The following SGF29 variants were observed in gnomAD, a reference collection of about 807,000 sequenced individuals.
SGF29 encodes the protein SAGA-associated factor 29.
SGF29 carries 15 observed loss-of-function variants against 38.1 expected under a neutral mutation model. The observed-to-expected ratio is 0.39, with a 90% CI of 0.26 to 0.61. The LOEUF is 0.61. Ranked by LOEUF, SGF29 falls within the 20% of genes least tolerant of loss-of-function variation. SGF29 has a pLI of 0.49. For synonymous variants in SGF29, 151 were observed against 160.8 expected (o/e 0.94, Z 0.46); for missense variants, 184 against 394.6 (o/e 0.47, Z 4.52).
intron 1 of SGF29, among the ~76,000 whole-genome samples, chr16:28,556,469 T>C (rs2046752179): frequency 1.3e-5 from 2 of 152,216 alleles, no homozygotes; most frequent in Non-Finnish European, 2.9e-5. Flanking sequence ...TGCCTCAGCC[T>C]TCCAAGTAGC....
At chr16:28,586,684 T>G (rs1174042051) in intron 4 of SGF29, among the ~76,000 whole-genome samples, 1 of 152,142 alleles carries the variant, frequency 6.6e-6, no homozygotes, top group Non-Finnish European at 1.5e-5. Flanking sequence ...ACATTGGTAT[T>G]AACTATCTGA....
At chr16:28,573,917 G>A (rs776458003) in intron 1 of SGF29, among the ~76,000 whole-genome samples, 2 of 152,250 alleles carry the variant, frequency 1.3e-5, no homozygotes, top group South Asian at 2.1e-4. Context: ...AGCACCTCTC[G>A]CTGTTTGTGA....
At chr16:28,571,392 G>A (rs184564003) in intron 1 of SGF29, among the ~76,000 whole-genome samples, 2 of 152,102 alleles carry the variant, frequency 1.3e-5, no homozygotes, top group South Asian at 2.1e-4. Context: ...TCAGGAGTTC[G>A]AGACCAGCCT....
At chr16:28,566,191 A>G (rs1353614711) in intron 1 of SGF29, among the ~76,000 whole-genome samples, 2 of 151,300 alleles carry the variant, frequency 1.3e-5, no homozygotes, top group African/African-American at 4.9e-5. Flanking sequence ...GGAGAATGGC[A>G]TGAACCCGGG....
At chr16:28,564,214 G>C (rs138787713) in intron 1 of SGF29, among the ~76,000 whole-genome samples, 76 of 152,196 alleles carry the variant, frequency 5.0e-4, no homozygotes, top group Middle Eastern at 3.4e-3. Flanking sequence ...AGAGCAGTGC[G>C]GGACTGGAAG....
At chr16:28,563,428 C>G (rs1285023249) in intron 1 of SGF29, among the ~76,000 whole-genome samples, 1 of 152,184 alleles carries the variant, frequency 6.6e-6, no homozygotes, top group Non-Finnish European at 1.5e-5. Context: ...CCAGTAGGCA[C>G]AGTGATCTTC....
chr16:28,564,527 GTATATATA>G (rs1182904889), intron 1 of SGF29, among the ~76,000 whole-genome samples: 1 of 118,082 alleles, frequency 8.5e-6, no homozygotes, highest in Non-Finnish European at 1.7e-5. Context: ...ATATGTGTGT[GTATATATA>G]TATGTATATA....
chr16:28,562,979 C>T (rs1292136568), intron 1 of SGF29, among the ~76,000 whole-genome samples: 5 of 150,792 alleles, frequency 3.3e-5, no homozygotes. Flanking sequence ...GAAGACTCTT[C>T]CACACATAGA....
intron 1 of SGF29, among the ~76,000 whole-genome samples, chr16:28,568,278 A>G (rs967133354): frequency 1.5e-4 from 20 of 135,308 alleles, no homozygotes; most frequent in Non-Finnish European, 2.6e-4. Flanking sequence ...ATGCCATTGC[A>G]CTCTAGCCTG....
At chr16:28,557,830 T>G (rs1016537336) in intron 1 of SGF29, among the ~76,000 whole-genome samples, 1 of 152,180 alleles carries the variant, frequency 6.6e-6, no homozygotes, top group African/African-American at 2.4e-5. Context: ...TATCCTATAT[T>G]GTGACAGCAG....
intron 1 of SGF29, among the ~76,000 whole-genome samples, chr16:28,566,948 G>T (rs2046839072): frequency 6.6e-6 from 1 of 151,980 alleles, no homozygotes; most frequent in Non-Finnish European, 1.5e-5. Flanking sequence ...GCAATTACAG[G>T]GGTGAGCCAC....
In SGF29 at chr16:28,590,996, C is replaced by T. The variant is rs1295691972; in HGVS notation, c.765+61C>T. 2.7e-5 allele frequency: 41 copies of T among 1,506,580 alleles called. No homozygotes were observed. The South Asian group carries it at 4.0e-4, about 15-fold the overall frequency. 93.3% of individuals were successfully genotyped at this position (1,506,580 alleles called of 1,614,324 possible). The stretch of plus-strand genomic sequence containing the variant: ...GTCAGGAACAGGCTGATCAGACAGA[C>T]GAGGGGTCCTCTCCCCACTCCTTCC... On this transcript the variant is annotated intron_variant, in intron 9 of 9. Transcript: ENST00000317058. This position sits in a 1 kb window ranked among gnomAD's most constrained non-coding sequence, Gnocchi z 8.2.
intron 1 of SGF29, among the ~76,000 whole-genome samples, chr16:28,564,755 GTATATATGTATATATATGTATA>G (rs140603743): frequency 0.058 from 4,969 of 85,182 alleles, 223 homozygotes; most frequent in African/African-American, 0.087. Flanking sequence ...GTATATATAT[GTATATATGTATATATATGTATA>G]TATATATATA....
intron 1 of SGF29, among the ~76,000 whole-genome samples, chr16:28,555,581 T>G (rs1481894138): frequency 3.3e-5 from 5 of 152,224 alleles, no homozygotes; most frequent in Non-Finnish European, 4.4e-5. Context: ...AAAAGAGATT[T>G]ATTGTGATGG....
intron 1 of SGF29, among the ~76,000 whole-genome samples, chr16:28,564,665 GCA>G (rs376270664): frequency 2.9e-5 from 2 of 68,362 alleles, no homozygotes; most frequent in Admixed American, 1.9e-4. Flanking sequence ...GTATATATAT[GCA>G]TATATATGTA....
At chr16:28,591,011 C>G (rs1243291391) in intron 9 of SGF29, 76 bp downstream of exon 9, 2 of 1,466,424 alleles carry the variant, frequency 1.4e-6, no homozygotes, top group African/African-American at 2.8e-5. Context: ...GGTCCTCTCC[C>G]CACTCCTTCC....
intron 1 of SGF29, among the ~76,000 whole-genome samples, chr16:28,578,096 C>T (rs2046905656): frequency 6.6e-6 from 1 of 151,698 alleles, no homozygotes; most frequent in South Asian, 2.1e-4. Context: ...GCAAGTGATC[C>T]TCCCGCCTCA....
intron 1 of SGF29, among the ~76,000 whole-genome samples, chr16:28,555,506 C>T (rs2046744861): frequency 6.6e-6 from 1 of 152,032 alleles, no homozygotes; most frequent in Non-Finnish European, 1.5e-5. Context: ...GAAGAAAATC[C>T]ACATATAAGT....
intron 1 of SGF29, among the ~76,000 whole-genome samples, chr16:28,569,979 T>A (rs1036905339): frequency 6.6e-6 from 1 of 152,214 alleles, no homozygotes; most frequent in Non-Finnish European, 1.5e-5. Context: ...TACCCCCACC[T>A]AGATTGTAAA....
Sources: gnomAD v4.1 joint callset for allele counts (sites outside exome capture counted in the v4.1 genomes callset) on GRCh38, gnomAD v4.1.1 for gene constraint, Gnocchi (gnomAD v3.1) non-coding constraint, MANE v1.5 for transcripts, NCBI Gene and HGNC (gene_info 2026-07-23, HGNC 2026-07-21) for gene names.